Variants in CDCP1 observed in about 807,000 individuals in gnomAD.
CDCP1 encodes CUB domain-containing protein 1.
Under a neutral mutation model 60.2 loss-of-function variants are expected in CDCP1, and 29 were observed. That is an observed-to-expected ratio of 0.48 (90% CI 0.36 to 0.66). The LOEUF is 0.66. Ranked by LOEUF, CDCP1 falls within the 30% of genes least tolerant of loss-of-function variation. CDCP1 has a pLI of 0.00. For missense variants in CDCP1, 876 were observed against 1,074.3 expected (o/e 0.82, Z 2.58); for synonymous variants, 387 against 431.1 (o/e 0.90, Z 1.27).
intron 5 of CDCP1, among the ~76,000 whole-genome samples, chr3:45,094,989 C>T (rs1044220461): frequency 6.7e-6 from 1 of 148,820 alleles, no homozygotes; most frequent in Admixed American, 6.7e-5. Flanking sequence ...GGCTAGAGTG[C>T]GTGGTGCAAT....
intron 1 of CDCP1, among the ~76,000 whole-genome samples, chr3:45,126,150 C>CT (rs1553611009): frequency 1.4e-5 from 2 of 143,536 alleles, no homozygotes; most frequent in Admixed American, 1.5e-4. Context: ...TTCTTTCTTT[C>CT]TTTCTTTCTT....
intron 1 of CDCP1, among the ~76,000 whole-genome samples, chr3:45,128,909 G>T (rs1699043512): frequency 6.6e-6 from 1 of 152,118 alleles, no homozygotes; most frequent in South Asian, 2.1e-4. Context: ...GTAGAACGGG[G>T]TTTCACCATA....
chr3:45,124,058 A>G (rs1698932625), intron 1 of CDCP1, among the ~76,000 whole-genome samples: 1 of 152,100 alleles, frequency 6.6e-6, no homozygotes, highest in Non-Finnish European at 1.5e-5. Flanking sequence ...CATCTGCCTC[A>G]CCAGCTCCTT....
intron 4 of CDCP1, among the ~76,000 whole-genome samples, chr3:45,099,477 G>A (rs1259011323): frequency 6.6e-6 from 1 of 151,982 alleles, no homozygotes; most frequent in African/African-American, 2.4e-5. Context: ...CTGTGCCTTG[G>A]TGTGGGTCTA....
intron 4 of CDCP1, 50 bp from the exon 5 acceptor site, chr3:45,095,618 C>A: frequency 1.3e-6 from 2 of 1,522,380 alleles, no homozygotes; most frequent in Admixed American, 1.7e-5. Context: ...AGCAGCAACA[C>A]GGGAAATGGC....
rs1202556132 is a variant in CDCP1 at position 45,137,235 on chromosome 3, A to AT, written c.82+8970dup. Among the ~76,000 whole-genome samples the AT allele has an allele frequency of 6.2e-4, 94 of 152,324 alleles. 1 individual carries two copies. The highest frequency in any genetic ancestry group is 6.1e-3 in the Admixed American group (94 of 15,294). ...TCATTTTATTTTGCCAAAAGGTTGC[A>AT]TGCCATATGTACTGTTCTGATCCTT... On this transcript the variant is annotated intron_variant, in intron 1 of 8. Transcript: ENST00000296129.
In CDCP1 at chr3:45,084,016, T is replaced by C. The variant is rs1360844398; in HGVS notation, c.*1622A>G. On this transcript the variant is annotated 3_prime_UTR_variant, in exon 9 of 9. Coordinates refer to ENST00000296129, the MANE Select transcript of CDCP1 (RefSeq NM_022842.5). Reference sequence around the variant, plus strand: ...CTGATTAGAGATTAATCCCAGTCTTTCTTTTTCATTACAATAAATGCAACC... The same window carrying C: ...CTGATTAGAGATTAATCCCAGTCTTCCTTTTTCATTACAATAAATGCAACC... The C allele has an allele frequency of 1.3e-5, 2 of 152,108 alleles. No homozygotes were observed. Among genetic ancestry groups the C allele is most frequent in the African/African-American group, 4.8e-5 (2 of 41,386 alleles). The allele number at this position is 152,108 out of a possible 1,614,324, so 9.4% of individuals were successfully genotyped here. A position where few individuals can be genotyped will look rare whatever the true frequency, so the allele number is the denominator to read the frequency against.
intron 4 of CDCP1, among the ~76,000 whole-genome samples, chr3:45,097,877 G>T (rs1299490495): frequency 6.6e-6 from 1 of 152,200 alleles, no homozygotes; most frequent in Non-Finnish European, 1.5e-5. Flanking sequence ...GAGATGCCAT[G>T]TCTAGAGCTG....
At position 45,108,947 on chromosome 3, in the gene CDCP1, A is replaced by C. The variant is rs1232120970; in HGVS notation, c.1024+1526T>G. Among the ~76,000 whole-genome samples, 12 of 34,802 alleles carry C rather than the reference A, an allele frequency of 3.4e-4. 3 individuals are homozygous for C. Among genetic ancestry groups the C allele is most frequent in the African/African-American group, 1.2e-3 (12 of 9,708 alleles). 22.8% of individuals were successfully genotyped at this position (34,802 alleles called of 152,430 possible). ...TATATGCATGTATACATATATATAT[A>C]TATATATTTTTTTTTTTTTTGAGAT... On this transcript the variant is annotated intron_variant, in intron 4 of 8. Coordinates refer to ENST00000296129, the MANE Select transcript of CDCP1 (RefSeq NM_022842.5).
At chr3:45,105,164 C>A (rs560749378) in intron 4 of CDCP1, among the ~76,000 whole-genome samples, 1 of 152,264 alleles carries the variant, frequency 6.6e-6, no homozygotes, top group Admixed American at 6.5e-5. Flanking sequence ...CACTGGGGAC[C>A]TTTGAAGGGA....
At chr3:45,110,957 G>T in intron 3 of CDCP1, 116 bp from the exon 4 acceptor site, 1 of 1,157,740 alleles carries the variant, frequency 8.6e-7, no homozygotes, top group Non-Finnish European at 1.2e-6. Flanking sequence ...CAGATCCTGA[G>T]CAGTGGGTCT....
At chr3:45,088,312 T>C (rs1485098701) in intron 8 of CDCP1, among the ~76,000 whole-genome samples, 3 of 150,736 alleles carry the variant, frequency 2.0e-5, no homozygotes, top group African/African-American at 7.3e-5. Flanking sequence ...TGAAATCCCG[T>C]TTCTACAAAA....
At chr3:45,094,295 G>A (rs769283610) in intron 5 of CDCP1, among the ~76,000 whole-genome samples, 2 of 151,732 alleles carry the variant, frequency 1.3e-5, no homozygotes, top group Non-Finnish European at 2.9e-5. Flanking sequence ...GTGCGATCTC[G>A]GCTCACTGCA....
At chr3:45,112,490 G>A in intron 2 of CDCP1, 45 bp from the exon 3 acceptor site, 1 of 1,582,794 alleles carries the variant, frequency 6.3e-7, no homozygotes, top group South Asian at 1.2e-5. Context: ...GATGCTCCAA[G>A]GCCCCACACC....
Position 45,093,261 on chromosome 3 carries a change from G to C in CDCP1, c.1627+16C>G. ...TTAAACTAAAGGGGCATGGAGATAG[G>C]GGAGACCCCCCTTACCTTTGAAATA... On this transcript the variant is annotated intron_variant, in intron 6 of 8. Transcript: ENST00000296129. 1 of 1,608,292 alleles carries C rather than the reference G, an allele frequency of 6.2e-7. No homozygotes were observed. Among genetic ancestry groups the C allele is most frequent in the Non-Finnish European group, 8.5e-7 (1 of 1,176,286 alleles).
chr3:45,126,118 CTTT>C (rs764922200), intron 1 of CDCP1, among the ~76,000 whole-genome samples: 7,146 of 128,412 alleles, frequency 0.056, 510 homozygotes, highest in African/African-American at 0.17. Context: ...CTCTTTCTTT[CTTT>C]CTTTCTTTCT....
chr3:45,128,851 G>A (rs1330701060), intron 1 of CDCP1, among the ~76,000 whole-genome samples: 1 of 152,154 alleles, frequency 6.6e-6, no homozygotes, highest in Admixed American at 6.5e-5. Context: ...CCGAGTAGCT[G>A]GGATTACAGG....
In CDCP1 at chr3:45,110,707, C is replaced by T. The variant is rs137935046; in HGVS notation, c.790G>A (p.Val264Ile). ...GAGAGGTTGAAGTTGAGGAAGGAGA[C>T]GCTGGCCCGCAGGTGTGCAGGAACG... ...FVVPAHLRAS[V>I]SFLNFNLSNC... The change falls in exon 4 of 9, where the codon GTC (valine) becomes ATC (isoleucine). Residue 264 changes from valine to isoleucine, a missense_variant. This residue lies in a region of CDCP1 where 726 missense variants were observed against 935.7 expected (regional missense o/e 0.78). Coordinates refer to ENST00000296129, the MANE Select transcript of CDCP1 (RefSeq NM_022842.5). The T allele has an allele frequency of 3.0e-4, 479 of 1,614,160 alleles. 1 individual carries two copies. Among genetic ancestry groups the T allele is most frequent in the South Asian group, 4.9e-4 (45 of 91,084 alleles).
chr3:45,106,584 G>A (rs1698570401), intron 4 of CDCP1, among the ~76,000 whole-genome samples: 1 of 152,226 alleles, frequency 6.6e-6, no homozygotes, highest in African/African-American at 2.4e-5. Flanking sequence ...GGTGGGAATA[G>A]AAAGAGCAAT....
Sources: allele counts gnomAD v4.1 joint callset (sites outside exome capture counted in the v4.1 genomes callset), GRCh38; gene constraint gnomAD v4.1.1; regional missense constraint gnomAD v4.1.1; transcripts MANE v1.5; gene names NCBI Gene and HGNC (gene_info 2026-07-23, HGNC 2026-07-21).